CNTN5: variants seen among roughly 807,000 people sequenced by gnomAD.
CNTN5 encodes contactin 5.
In CNTN5, 77 loss-of-function variants were observed where a neutral mutation model predicts 129.1. The ratio of observed to expected loss-of-function variants is 0.60; its 90% CI spans 0.50 to 0.72. The LOEUF (loss-of-function observed/expected upper bound fraction) is 0.72. Among genes scored for constraint, CNTN5 ranks in the 30% least tolerant of loss-of-function variants. CNTN5 has a pLI of 0.00. For synonymous variants in CNTN5, 509 were observed against 465.6 expected, an observed-to-expected ratio of 1.09 and a Z score of -1.20; for missense variants, 1,478 against 1,328.8, an observed-to-expected ratio of 1.11 and a Z score of -1.75.
intron 1 of CNTN5, among the ~76,000 whole-genome samples, chr11:99,139,516 A>T (rs2135457512): frequency 6.6e-6 from 1 of 152,352 alleles, no homozygotes; most frequent in Non-Finnish European, 1.5e-5. Context: ...ATCAGTTAGT[A>T]GAGACCCGAG....
At chr11:100,126,320 T>C (rs913124384) in intron 13 of CNTN5, among the ~76,000 whole-genome samples, 1 of 152,140 alleles carries the variant, frequency 6.6e-6, no homozygotes, top group African/African-American at 2.4e-5. Flanking sequence ...ATTTGTCAAA[T>C]GTTACGTTTA....
At chr11:99,359,609 GAATA>G (rs1364188565) in intron 2 of CNTN5, among the ~76,000 whole-genome samples, 2 of 147,690 alleles carry the variant, frequency 1.4e-5, no homozygotes, top group Non-Finnish European at 3.0e-5. Context: ...TATTATATAT[GAATA>G]AATATATTTA....
intron 16 of CNTN5, among the ~76,000 whole-genome samples, chr11:100,236,233 A>T (rs1360605618): frequency 6.6e-6 from 1 of 152,054 alleles, no homozygotes; most frequent in Non-Finnish European, 1.5e-5. Context: ...CTCCTTCTTT[A>T]AGCACTCACT....
At chr11:99,842,125 C>T (rs1947527039) in intron 4 of CNTN5, among the ~76,000 whole-genome samples, 1 of 152,010 alleles carries the variant, frequency 6.6e-6, no homozygotes, top group South Asian at 2.1e-4. Flanking sequence ...AAACTACTGA[C>T]CTCAGATGAT....
intron 3 of CNTN5, among the ~76,000 whole-genome samples, chr11:99,615,760 T>G (rs1285148877): frequency 2.6e-5 from 4 of 151,884 alleles, no homozygotes; most frequent in Non-Finnish European, 5.9e-5. Context: ...ACATCTTGTT[T>G]TTTTTTTTTA....
At position 99,202,372 on chromosome 11, in the gene CNTN5, G is replaced by A. The variant is rs377114666; in HGVS notation, c.-209-122974G>A. ...AATATCAAAGTCCTTTAACATGTAGGTCATGGATTACTGGGCAGTAGTAGC... is the reference window on the plus strand; with the variant it reads ...AATATCAAAGTCCTTTAACATGTAGATCATGGATTACTGGGCAGTAGTAGC... On this transcript the variant is annotated intron_variant, in intron 1 of 24. Coordinates refer to ENST00000524871, the MANE Select transcript of CNTN5 (RefSeq NM_014361.4). Among the ~76,000 whole-genome samples, 12 of 152,272 alleles carry A rather than the reference G, an allele frequency of 7.9e-5. No homozygotes were observed. The East Asian group carries it at 1.9e-3, about 24-fold the overall frequency.
intron 1 of CNTN5, among the ~76,000 whole-genome samples, chr11:99,267,914 A>ACACATG (rs1206056270): frequency 1.0e-5 from 1 of 100,366 alleles, no homozygotes; most frequent in Non-Finnish European, 1.9e-5. Context: ...AAACACACAC[A>ACACATG]CACACGCACA....
At chr11:99,952,127 G>T (rs1485263629) in intron 7 of CNTN5, among the ~76,000 whole-genome samples, 1 of 152,096 alleles carries the variant, frequency 6.6e-6, no homozygotes, top group Non-Finnish European at 1.5e-5. Flanking sequence ...ACCAATTTCA[G>T]GTTGTCCCTC....
intron 3 of CNTN5, among the ~76,000 whole-genome samples, chr11:99,682,291 G>A (rs866025411): frequency 6.6e-6 from 1 of 151,460 alleles, no homozygotes; most frequent in Admixed American, 6.7e-5. Flanking sequence ...GTATTCAAGT[G>A]TAAAATGAAA....
chr11:99,230,883 T>C (rs1860959485), intron 1 of CNTN5, among the ~76,000 whole-genome samples: 1 of 152,162 alleles, frequency 6.6e-6, no homozygotes, highest in Admixed American at 6.5e-5. Context: ...TAGTTCCCAC[T>C]TATAAGTGAA....
chr11:99,995,326 TAAAAA>T (rs5794033), intron 8 of CNTN5, among the ~76,000 whole-genome samples: 1 of 147,802 alleles, frequency 6.8e-6, no homozygotes, highest in Non-Finnish European at 1.5e-5. Context: ...GCCAAAAAAT[TAAAAA>T]AAAAAACAAT....
intron 12 of CNTN5, among the ~76,000 whole-genome samples, chr11:100,072,455 T>C (rs1042071803): frequency 2.0e-5 from 3 of 152,196 alleles, no homozygotes; most frequent in African/African-American, 7.2e-5. Context: ...TGAAATAGAC[T>C]ACCCAGAAAA....
intron 6 of CNTN5, among the ~76,000 whole-genome samples, chr11:99,911,252 T>G (rs1949651616): frequency 6.6e-6 from 1 of 152,032 alleles, no homozygotes. Context: ...TTTTAGAGAA[T>G]TAATTGAGAA....
At chr11:99,875,277 A>G (rs1948603416) in intron 6 of CNTN5, among the ~76,000 whole-genome samples, 1 of 152,146 alleles carries the variant, frequency 6.6e-6, no homozygotes. Context: ...TCGATCAGTG[A>G]AAAGTAATTA....
intron 6 of CNTN5, among the ~76,000 whole-genome samples, chr11:99,880,894 T>A (rs568361160): frequency 2.0e-5 from 3 of 152,302 alleles, no homozygotes; most frequent in East Asian, 3.9e-4. Context: ...ATGTTATGAC[T>A]TTTTTAATAT....
chr11:100,115,115 TAAAAAAAAAAAA>T (rs11388029), intron 13 of CNTN5, among the ~76,000 whole-genome samples: 2 of 78,408 alleles, frequency 2.6e-5, no homozygotes, highest in Admixed American at 1.7e-4. Context: ...AGGTATACAG[TAAAAAAAAAAAA>T]AAAAAAAAAA....
chr11:99,816,108 T>C (rs1252716616), intron 3 of CNTN5, among the ~76,000 whole-genome samples: 3 of 152,182 alleles, frequency 2.0e-5, no homozygotes, highest in Admixed American at 2.0e-4. Context: ...AACACTGATC[T>C]TCAAAACTAT....
rs375970396 is a variant in CNTN5, at chr11:99,529,658, A to G, written c.-70-26487A>G. Among the ~76,000 whole-genome samples, 272 of 152,344 alleles carry G rather than the reference A, an allele frequency of 1.8e-3. 1 individual carries two copies. Among genetic ancestry groups the G allele is most frequent in the African/African-American group, 6.1e-3 (254 of 41,582 alleles). On this transcript the variant is annotated intron_variant, in intron 2 of 24. Transcript: ENST00000524871. ...ATGACTTTGAAAAGGTAACAAAATAATTATTTCAATGAAAATAATACAGAA... is the reference window on the plus strand; with the variant it reads ...ATGACTTTGAAAAGGTAACAAAATAGTTATTTCAATGAAAATAATACAGAA...
chr11:100,253,394 C>T (rs1313665129), intron 16 of CNTN5, among the ~76,000 whole-genome samples: 1 of 152,074 alleles, frequency 6.6e-6, no homozygotes, highest in East Asian at 1.9e-4. Context: ...AGGTTATTGA[C>T]TAAATAATTT....
Sources: allele counts gnomAD v4.1 joint callset (sites outside exome capture counted in the v4.1 genomes callset), GRCh38; gene constraint gnomAD v4.1.1; transcripts MANE v1.5; gene names NCBI Gene and HGNC (gene_info 2026-07-23, HGNC 2026-07-21).